Variants in CERS4 observed in about 807,000 individuals in gnomAD.
The protein encoded by CERS4 is ceramide synthase 4.
Under a neutral mutation model 51.8 loss-of-function variants are expected in CERS4, and 65 were observed. That is an observed-to-expected ratio of 1.26 (90% confidence interval 1.03 to 1.54). The LOEUF (loss-of-function observed/expected upper bound fraction) is 1.54, where lower values mean the gene tolerates loss of function less well. CERS4 is among the 40% of genes most tolerant of loss of function. The pLI is 0.00. For synonymous variants in CERS4, 228 were observed against 208.4 expected (o/e 1.09, Z -0.81); for missense variants, 563 against 500.4 (o/e 1.13, Z -1.19).
chr19:8,250,078 G>T (rs549015573), intron 2 of CERS4, among the ~76,000 whole-genome samples: 1 of 151,440 alleles, frequency 6.6e-6, no homozygotes, highest in Non-Finnish European at 1.5e-5. Flanking sequence ...GGGTTCAAGC[G>T]ATTCTCCTGC....
intron 2 of CERS4, among the ~76,000 whole-genome samples, chr19:8,229,006 G>A (rs373075767): frequency 1.4e-4 from 21 of 149,824 alleles, no homozygotes; most frequent in Non-Finnish European, 2.7e-4. Context: ...AGCCTGGGCC[G>A]GTGAGACTTC....
intron 4 of CERS4, 33 bp from the exon 5 acceptor site, chr19:8,255,574 C>T: frequency 1.9e-6 from 3 of 1,582,030 alleles, no homozygotes; most frequent in Non-Finnish European, 2.6e-6. Context: ...CACAGGGCCT[C>T]TGTGACCCTT....
intron 2 of CERS4, among the ~76,000 whole-genome samples, chr19:8,242,786 G>C (rs902095627): frequency 2.0e-5 from 3 of 152,150 alleles, no homozygotes; most frequent in African/African-American, 7.2e-5. Context: ...ATATGGTCTG[G>C]TGGGAGCAGA....
chr19:8,254,385 T>C (rs989354257), intron 3 of CERS4, 114 bp from the exon 4 acceptor site: 8 of 783,390 alleles, frequency 1.0e-5, no homozygotes, highest in Admixed American at 8.0e-5. Context: ...TCTCTGAGCC[T>C]GTAACTTTGC....
Position 8,257,044 on chromosome 19 carries a change from G to A in CERS4, c.708G>A (p.Leu236=), listed in dbSNP as rs1969426939. Residue 236 remains leucine, a synonymous_variant, in exon 9 of 12, where the codon CTG becomes CTA. Coordinates refer to ENST00000251363, the MANE Select transcript of CERS4 (RefSeq NM_024552.3). ...TGCTGCGCATTGGCTCTCTGGTGCT[G>A]CTGTTACACGATTCCTCTGACTACC... ...ANLLRIGSLV[L]LLHDSSDYLL... The A allele has an allele frequency of 6.2e-7, 1 of 1,611,226 alleles. No homozygotes were observed. The highest frequency in any genetic ancestry group is 1.3e-5 in the African/African-American group (1 of 74,908).
chr19:8,233,680 C>A (rs1046952872), intron 2 of CERS4, among the ~76,000 whole-genome samples: 1 of 151,986 alleles, frequency 6.6e-6, no homozygotes, highest in Non-Finnish European at 1.5e-5. Flanking sequence ...TCTTCCTCCA[C>A]CCCATACCTC....
chr19:8,212,846 C>T (rs1394455729), intron 2 of CERS4, among the ~76,000 whole-genome samples: 1 of 151,278 alleles, frequency 6.6e-6, no homozygotes, highest in African/African-American at 2.4e-5. Context: ...GTGGGTTTCA[C>T]CATGTTGGCC....
intron 2 of CERS4, among the ~76,000 whole-genome samples, chr19:8,235,854 C>CCACTGT (rs1968226341): frequency 6.6e-6 from 1 of 151,706 alleles, no homozygotes; most frequent in Admixed American, 6.6e-5. Flanking sequence ...TGTGATCGTG[C>CCACTGT]CACTGTAGTC....
chr19:8,236,918 G>A (rs1968285597), intron 2 of CERS4, among the ~76,000 whole-genome samples: 1 of 131,004 alleles, frequency 7.6e-6, no homozygotes, highest in African/African-American at 2.9e-5. Flanking sequence ...CAGTAGAATC[G>A]CTTGAACCAG....
intron 2 of CERS4, among the ~76,000 whole-genome samples, chr19:8,221,813 A>G (rs1307253832): frequency 6.7e-6 from 1 of 148,954 alleles, no homozygotes; most frequent in East Asian, 2.0e-4. Context: ...GGCATGAGCC[A>G]CCACACCCAG....
chr19:8,257,981 ACCCAGTGAGTCAGCCCT>A lies in CERS4; in HGVS notation c.848+1_848+17del. 3 of 1,612,606 alleles carry A rather than the reference ACCCAGTGAGTCAGCCCT, an allele frequency of 1.9e-6. No homozygotes were observed. Among genetic ancestry groups the A allele is most frequent in the Non-Finnish European group, 2.5e-6 (3 of 1,179,144 alleles). ...CTACACCCGACTGGTCCTCTTTCCC[ACCCAGTGAGTCAGCCCT>A]CCCATGGGGGTCAGGGAGGTGGGAG... On this transcript the variant is annotated splice_donor_variant and splice_donor_5th_base_variant and coding_sequence_variant and intron_variant, in exon 10 of 12. Coordinates refer to ENST00000251363, the MANE Select transcript of CERS4 (RefSeq NM_024552.3). LOFTEE classifies it high-confidence loss of function.
At position 8,262,253 on chromosome 19, in the gene CERS4, C is replaced by G. The variant is rs547962253; in HGVS notation, c.*144C>G. The G allele has an allele frequency of 7.2e-6, 6 of 831,782 alleles. No homozygotes were observed. Among genetic ancestry groups the G allele is most frequent in the Admixed American group, 3.7e-5 (1 of 27,120 alleles). 51.5% of individuals were successfully genotyped at this position (831,782 alleles called of 1,614,324 possible). A position where few individuals can be genotyped will look rare whatever the true frequency, so the allele number is the denominator to read the frequency against. ...GGGTGGGAAGGCTGATGATCTGTCT[C>G]CAGCCCCTTCCTTCTGCCCACCCAC... On this transcript the variant is annotated 3_prime_UTR_variant, in exon 12 of 12. Coordinates refer to ENST00000251363, the MANE Select transcript of CERS4 (RefSeq NM_024552.3).
chr19:8,248,432 T>G (rs1027698699), intron 2 of CERS4, among the ~76,000 whole-genome samples: 11 of 151,366 alleles, frequency 7.3e-5, no homozygotes, highest in Admixed American at 3.9e-4. Context: ...GACACACAAG[T>G]GAGTGATGGA....
intron 2 of CERS4, among the ~76,000 whole-genome samples, chr19:8,217,319 A>C (rs1012881652): frequency 1.3e-5 from 2 of 152,086 alleles, no homozygotes; most frequent in African/African-American, 4.8e-5. Context: ...AGGCAGATTA[A>C]CCAGGGTACA....
At chr19:8,245,730 G>A (rs1170058000) in intron 2 of CERS4, among the ~76,000 whole-genome samples, 1 of 150,952 alleles carries the variant, frequency 6.6e-6, no homozygotes, top group Non-Finnish European at 1.5e-5. Context: ...AGTAGAGACG[G>A]GGTTTCACCG....
At chr19:8,256,795 C>T in intron 8 of CERS4, 85 bp downstream of exon 8, 2 of 1,570,424 alleles carry the variant, frequency 1.3e-6, no homozygotes, top group Non-Finnish European at 1.7e-6. Context: ...ACAACCGCAC[C>T]TTGAGAGCTC....
intron 3 of CERS4, among the ~76,000 whole-genome samples, chr19:8,252,140 G>A (rs145064906): frequency 6.6e-6 from 1 of 152,112 alleles, no homozygotes; most frequent in Non-Finnish European, 1.5e-5. Context: ...GGAGGCCAAG[G>A]TGGGCGGATC....
chr19:8,219,666 A>C (rs920821328), intron 2 of CERS4, among the ~76,000 whole-genome samples: 1 of 151,488 alleles, frequency 6.6e-6, no homozygotes, highest in African/African-American at 2.4e-5. Flanking sequence ...AAAATACAAA[A>C]AAATTAGCCA....
At chr19:8,237,551 A>C (rs966319044) in intron 2 of CERS4, among the ~76,000 whole-genome samples, 1 of 150,804 alleles carries the variant, frequency 6.6e-6, no homozygotes, top group Non-Finnish European at 1.5e-5. Flanking sequence ...CTGCATCTCA[A>C]AAAAACAGAA....
Sources: allele counts gnomAD v4.1 joint callset (sites outside exome capture counted in the v4.1 genomes callset), GRCh38; gene constraint gnomAD v4.1.1; transcripts MANE v1.5; gene names NCBI Gene and HGNC (gene_info 2026-07-23, HGNC 2026-07-21).